ADAMTS20: variants seen among roughly 807,000 people sequenced by gnomAD.
ADAMTS20 encodes the protein A disintegrin and metalloproteinase with thrombospondin motifs 20.
Under a neutral mutation model 260.1 loss-of-function variants are expected in ADAMTS20, and 225 were observed. That is an observed-to-expected ratio of 0.87 (90% confidence interval 0.78 to 0.97). The LOEUF is 0.97. Among genes scored for constraint, ADAMTS20 ranks in the 50% least tolerant of loss-of-function variants. ADAMTS20 has a pLI of 0.00. For synonymous variants in ADAMTS20, 802 were observed against 769.5 expected, an observed-to-expected ratio of 1.04 and a Z score of -0.70; for missense variants, 2,400 against 2,337.7, an observed-to-expected ratio of 1.03 and a Z score of -0.55.
intron 29 of ADAMTS20, among the ~76,000 whole-genome samples, chr12:43,391,731 G>A (rs1202881819): frequency 1.3e-5 from 2 of 151,952 alleles, no homozygotes; most frequent in Non-Finnish European, 2.9e-5. Flanking sequence ...GGATTCCAGA[G>A]TAACTAATTT....
chr12:43,511,300 T>G (rs1262707447), intron 3 of ADAMTS20, among the ~76,000 whole-genome samples: 1 of 152,124 alleles, frequency 6.6e-6, no homozygotes, highest in African/African-American at 2.4e-5. Context: ...ACATTCCTTT[T>G]ATCTCATCCC....
At chr12:43,401,985 C>T (rs1028992407) in intron 28 of ADAMTS20, among the ~76,000 whole-genome samples, 1 of 151,952 alleles carries the variant, frequency 6.6e-6, no homozygotes, top group African/African-American at 2.4e-5. Context: ...CTAATCACTT[C>T]CTCTAATAAT....
intron 4 of ADAMTS20, among the ~76,000 whole-genome samples, chr12:43,501,517 C>T (rs6582469): frequency 1.3e-5 from 2 of 149,578 alleles, no homozygotes; most frequent in African/African-American, 2.4e-5. Context: ...AAGGATGAAG[C>T]GTGATGCCAC....
chr12:43,490,563 A>G (rs1256893895), intron 6 of ADAMTS20, 128 bp from the exon 7 acceptor site: 2 of 472,066 alleles, frequency 4.2e-6, no homozygotes, highest in African/African-American at 4.1e-5. Flanking sequence ...TCTAGTTCAC[A>G]TTAACCTCTC....
chr12:43,375,310 C>T, intron 36 of ADAMTS20, 69 bp downstream of exon 36: 2 of 1,512,284 alleles, frequency 1.3e-6, no homozygotes, highest in Non-Finnish European at 1.8e-6. Context: ...CAACATATAC[C>T]AACATATTGT....
At chr12:43,446,531 T>G (rs140269104) in intron 15 of ADAMTS20, 64 bp downstream of exon 15, 4 of 1,237,816 alleles carry the variant, frequency 3.2e-6, no homozygotes, top group Non-Finnish European at 4.7e-6. Context: ...CTGTTACACC[T>G]TCTTTACAGA....
chr12:43,451,117 GC>G (rs1357770939), intron 14 of ADAMTS20, among the ~76,000 whole-genome samples: 1 of 152,140 alleles, frequency 6.6e-6, no homozygotes, highest in Non-Finnish European at 1.5e-5. Flanking sequence ...AGGAAACCTT[GC>G]CATTTGTGAC....
chr12:43,417,844 C>A (rs907829481), intron 28 of ADAMTS20, among the ~76,000 whole-genome samples: 1 of 152,198 alleles, frequency 6.6e-6, no homozygotes, highest in African/African-American at 2.4e-5. Flanking sequence ...GATTTCCTGA[C>A]AGAAGAAGGA....
Position 43,532,096 on chromosome 12 carries a change from T to C in ADAMTS20, c.553A>G (p.Ile185Val). 1 of 1,612,570 alleles carries C rather than the reference T, an allele frequency of 6.2e-7. No homozygotes were observed. Among genetic ancestry groups the C allele is most frequent in the Non-Finnish European group, 8.5e-7 (1 of 1,179,266 alleles). ...GAGTTATTTAAGTCTTGTCTGTATA[T>C]AAGATGTGGCTTGTTGTGACCATCT... Reference protein sequence around the residue: ...YEDGHNKPHLIYRQDLNNSFL... With the variant: ...YEDGHNKPHLVYRQDLNNSFL... The change falls in exon 3 of 39, where the codon ATA becomes GTA. Residue 185 changes from isoleucine (I) to valine (V), a missense_variant. Coordinates refer to ENST00000389420, the MANE Select transcript of ADAMTS20 (RefSeq NM_025003.5).
At chr12:43,454,391 T>C (rs1425385130) in intron 11 of ADAMTS20, among the ~76,000 whole-genome samples, 1 of 152,212 alleles carries the variant, frequency 6.6e-6, no homozygotes, top group Non-Finnish European at 1.5e-5. Context: ...TCCTTCCATT[T>C]TTTTACTCAA....
chr12:43,433,415 T>C (rs1440925493), intron 19 of ADAMTS20, among the ~76,000 whole-genome samples: 1 of 152,164 alleles, frequency 6.6e-6, no homozygotes, highest in Non-Finnish European at 1.5e-5. Flanking sequence ...TTCACAGAAT[T>C]CATTTCCGTC....
At chr12:43,497,666 T>G (rs942008406) in intron 4 of ADAMTS20, among the ~76,000 whole-genome samples, 1 of 152,114 alleles carries the variant, frequency 6.6e-6, no homozygotes, top group African/African-American at 2.4e-5. Flanking sequence ...TAGTTAAAAA[T>G]CTTCCCCATC....
intron 15 of ADAMTS20, 87 bp from the exon 16 acceptor site, chr12:43,443,970 A>G: frequency 1.0e-6 from 1 of 1,001,854 alleles, no homozygotes; most frequent in Non-Finnish European, 1.5e-6. Flanking sequence ...AAATTCGAAT[A>G]GCATAGTCAG....
Position 43,432,299 on chromosome 12 carries a change from T to A in ADAMTS20, c.3096+5A>T, listed in dbSNP as rs774283472. On this transcript the variant is annotated splice_donor_5th_base_variant and intron_variant, in intron 21 of 38. Coordinates refer to ENST00000389420, the MANE Select transcript of ADAMTS20 (RefSeq NM_025003.5). ...ATAGTTCCAAGCATCATGTGTTTAA[T>A]GTACCTCGCTCCATTCACTAGCAGC... 6.2e-7 allele frequency: 1 copy of A among 1,612,462 alleles called. No individual in the cohort carries two copies. Among genetic ancestry groups the A allele is most frequent in the Non-Finnish European group, 8.5e-7 (1 of 1,179,150 alleles).
intron 29 of ADAMTS20, 61 bp from the exon 30 acceptor site, chr12:43,384,038 A>G: frequency 7.0e-7 from 1 of 1,423,438 alleles, no homozygotes; most frequent in Non-Finnish European, 9.4e-7. Flanking sequence ...ATATAAAAGT[A>G]GCCAATGGAG....
At chr12:43,432,175 G>T in intron 21 of ADAMTS20, 129 bp downstream of exon 21, 2 of 1,079,472 alleles carry the variant, frequency 1.9e-6, no homozygotes, top group Non-Finnish European at 2.6e-6. Context: ...ATTTCTGACA[G>T]CTTTGATAAT....
At chr12:43,356,119 C>A (rs372989328) in intron 38 of ADAMTS20, among the ~76,000 whole-genome samples, 1 of 151,986 alleles carries the variant, frequency 6.6e-6, no homozygotes, top group Non-Finnish European at 1.5e-5. Context: ...ACCTGTAAAC[C>A]TTCAGTAATT....
chr12:43,393,135 A>G (rs1162849307), intron 29 of ADAMTS20, among the ~76,000 whole-genome samples: 1 of 152,110 alleles, frequency 6.6e-6, no homozygotes, highest in Non-Finnish European at 1.5e-5. Context: ...AAGGTTGTAG[A>G]TACAGGGAAA....
intron 28 of ADAMTS20, among the ~76,000 whole-genome samples, chr12:43,409,331 G>A (rs1450323609): frequency 1.3e-5 from 2 of 151,796 alleles, no homozygotes; most frequent in Non-Finnish European, 2.9e-5. Context: ...GGCCAGGCGC[G>A]GTGGCTCACG....
Sources: allele counts gnomAD v4.1 joint callset (sites outside exome capture counted in the v4.1 genomes callset), GRCh38; gene constraint gnomAD v4.1.1; transcripts MANE v1.5; gene names NCBI Gene and HGNC (gene_info 2026-07-23, HGNC 2026-07-21).